Variants in ZNF430 observed in about 807,000 individuals in gnomAD.
ZNF430 encodes zinc finger protein 430.
In ZNF430, 35 loss-of-function variants were observed where a neutral mutation model predicts 56.7. The ratio of observed to expected loss-of-function variants is 0.62; its 90% CI spans 0.47 to 0.82. The LOEUF is 0.82. Among genes scored for constraint, ZNF430 ranks in the 40% least tolerant of loss-of-function variants. The probability of loss-of-function intolerance (pLI) is 0.00; values close to 1 mark genes in which losing one functional copy is unlikely to be tolerated. For missense variants in ZNF430, 574 were observed against 661.0 expected, an observed-to-expected ratio of 0.87 and a Z score of 1.44; for synonymous variants, 212 against 224.3, an observed-to-expected ratio of 0.94 and a Z score of 0.49.
Position 21,059,069 on chromosome 19 carries a change from A to C in ZNF430, c.*1048A>C, listed in dbSNP as rs1275306685. 2.0e-5 allele frequency: 3 copies of C among 152,216 alleles called. No homozygotes were observed. The highest frequency in any genetic ancestry group is 4.4e-5 in the Non-Finnish European group (3 of 68,046). The allele number at this position is 152,216 out of a possible 1,614,324, so 9.4% of individuals were successfully genotyped here. A position where few individuals can be genotyped will look rare whatever the true frequency, so the allele number is the denominator to read the frequency against. On this transcript the variant is annotated 3_prime_UTR_variant, in exon 5 of 5. Coordinates refer to ENST00000261560, the MANE Select transcript of ZNF430 (RefSeq NM_025189.4). ...TAAATTTTAAAAAACACTTTTTCAAAAAGTACAGCTTAGAAGACACCAGAG... is the reference window on the plus strand; with the variant it reads ...TAAATTTTAAAAAACACTTTTTCAACAAGTACAGCTTAGAAGACACCAGAG...
rs1967937567 is a variant in ZNF430, at chr19:21,033,436, TG to T, written c.97-19del. The T allele has an allele frequency of 6.2e-7, 1 of 1,603,694 alleles. No homozygotes were observed. The highest frequency in any genetic ancestry group is 1.7e-5 in the Admixed American group (1 of 58,304). ...CCACTTGGTAAATATACGTGTGTCT[TG>T]TGTGCTTGTGTTTTTCAGGGGCCAT... On this transcript the variant is annotated intron_variant, in intron 2 of 4. Coordinates refer to ENST00000261560, the MANE Select transcript of ZNF430 (RefSeq NM_025189.4).
Position 21,057,898 on chromosome 19 carries a change from A to T in ZNF430, c.1590A>T (p.Lys530Asn). 6.2e-7 allele frequency: 1 copy of T among 1,613,992 alleles called. No individual in the cohort carries two copies. Among genetic ancestry groups the T allele is most frequent in the Non-Finnish European group, 8.5e-7 (1 of 1,179,930 alleles). The change falls in exon 5 of 5, where the codon AAA (lysine) becomes AAT (asparagine). Residue 530 changes from lysine (K) to asparagine (N), a missense_variant. Physicochemically the swap from Lys to Asn is moderately conservative, Grantham distance 94 (BLOSUM62 0). Transcript: ENST00000261560. ...KAFSQSSTLT[K>N]HKVIHTGEKP... Reference sequence around the variant, plus strand: ...TTAGCCAGTCTTCAACTCTTACTAAACATAAGGTAATTCATACTGGAGAGA... The same window carrying T: ...TTAGCCAGTCTTCAACTCTTACTAATCATAAGGTAATTCATACTGGAGAGA...
rs886622440 is a variant in ZNF430 at position 21,031,622 on chromosome 19, G to T, written c.97-1834G>T. ...CAGGACCTTCCTTCTGTTTGTGTGC[G>T]TGATGGTAGCAGACAAAAAGGTGGT... On this transcript the variant is annotated intron_variant, in intron 2 of 4. Transcript: ENST00000261560. Among the ~76,000 whole-genome samples the T allele has an allele frequency of 2.6e-5, 4 of 152,136 alleles. No homozygotes were observed. In the South Asian group the frequency reaches 6.2e-4, roughly 24 times the overall value.
chr19:21,027,042 A>G (rs1317327536), intron 2 of ZNF430, among the ~76,000 whole-genome samples: 1 of 151,258 alleles, frequency 6.6e-6, no homozygotes, highest in Non-Finnish European at 1.5e-5. Flanking sequence ...GTTGGCCAGG[A>G]TGGTCTCGAT....
intron 2 of ZNF430, among the ~76,000 whole-genome samples, chr19:21,024,782 A>G (rs1967762200): frequency 6.6e-6 from 1 of 151,590 alleles, no homozygotes; most frequent in Non-Finnish European, 1.5e-5. Context: ...TCCATCTTAA[A>G]AAAAAAAAAA....
intron 4 of ZNF430, among the ~76,000 whole-genome samples, chr19:21,054,344 C>T (rs958207249): frequency 1.3e-5 from 2 of 151,212 alleles, no homozygotes; most frequent in Non-Finnish European, 2.9e-5. Flanking sequence ...AGTACCAATG[C>T]ACTTTTTCAG....
chr19:21,025,942 G>T, intron 2 of ZNF430: 1 of 418,728 alleles, frequency 2.4e-6, no homozygotes, highest in Non-Finnish European at 4.5e-6. Context: ...TTCTGTCATT[G>T]AGAACAGAGT....
At chr19:21,041,065 T>C (rs961412843) in intron 4 of ZNF430, among the ~76,000 whole-genome samples, 1 of 152,262 alleles carries the variant, frequency 6.6e-6, no homozygotes, top group Non-Finnish European at 1.5e-5. Flanking sequence ...GAGTCTGTTA[T>C]AGACAGCGTA....
intron 1 of ZNF430, among the ~76,000 whole-genome samples, chr19:21,022,500 A>T (rs1029359870): frequency 6.6e-6 from 1 of 152,136 alleles, no homozygotes; most frequent in African/African-American, 2.4e-5. Context: ...GTTTGTAAAT[A>T]TTTCCCATGT....
At chr19:21,032,055 G>C (rs996385810) in intron 2 of ZNF430, among the ~76,000 whole-genome samples, 2 of 152,044 alleles carry the variant, frequency 1.3e-5, no homozygotes, top group Non-Finnish European at 2.9e-5. Flanking sequence ...AACATGGGGA[G>C]ATGTAGATAC....
chr19:21,038,366 C>T (rs1369268055), intron 4 of ZNF430, among the ~76,000 whole-genome samples: 1 of 151,936 alleles, frequency 6.6e-6, no homozygotes, highest in African/African-American at 2.4e-5. Context: ...ATATTTTGTT[C>T]TTTCATCTGT....
intron 4 of ZNF430, among the ~76,000 whole-genome samples, chr19:21,056,109 C>T (rs1483839978): frequency 6.6e-6 from 1 of 152,188 alleles, no homozygotes; most frequent in Non-Finnish European, 1.5e-5. Context: ...GCACTTCACA[C>T]ACTTAACTTA....
intron 4 of ZNF430, among the ~76,000 whole-genome samples, chr19:21,044,601 T>C (rs989653685): frequency 6.6e-6 from 1 of 152,218 alleles, no homozygotes; most frequent in African/African-American, 2.4e-5. Context: ...TCTTATAAAA[T>C]GAGTTAGAGT....
chr19:21,047,976 T>C (rs1346855779), intron 4 of ZNF430, among the ~76,000 whole-genome samples: 1 of 152,144 alleles, frequency 6.6e-6, no homozygotes, highest in Admixed American at 6.6e-5. Flanking sequence ...ACCACCTCAT[T>C]GTTCCTGTTT....
intron 4 of ZNF430, among the ~76,000 whole-genome samples, chr19:21,054,744 C>G (rs1260367667): frequency 6.9e-6 from 1 of 145,950 alleles, no homozygotes; most frequent in Admixed American, 6.9e-5. Flanking sequence ...GGCGCATCTC[C>G]GCTCACTATA....
intron 4 of ZNF430, among the ~76,000 whole-genome samples, chr19:21,051,763 A>G (rs564154607): frequency 2.6e-5 from 4 of 152,242 alleles, no homozygotes; most frequent in South Asian, 2.1e-4. Flanking sequence ...TGCTGGAATT[A>G]TAGGCGTGAG....
intron 4 of ZNF430, among the ~76,000 whole-genome samples, chr19:21,048,113 T>G (rs1288064245): frequency 6.6e-6 from 1 of 151,396 alleles, no homozygotes; most frequent in Admixed American, 6.6e-5. Flanking sequence ...TATTATGTAA[T>G]CACCTTGAAG....
chr19:21,048,651 A>T lies in ZNF430; in HGVS notation c.323-7980A>T, dbSNP rs540743492. 2.0e-3 allele frequency among the ~76,000 whole-genome samples: 307 copies of T among 152,194 alleles called. 1 individual carries two copies. Among genetic ancestry groups the T allele is most frequent in the African/African-American group, 7.2e-3 (297 of 41,538 alleles). On this transcript the variant is annotated intron_variant, in intron 4 of 4. Coordinates refer to ENST00000261560, the MANE Select transcript of ZNF430 (RefSeq NM_025189.4). The stretch of plus-strand genomic sequence containing the variant: ...CCCACATTCCCCCCTTTTCTATTCG[A>T]CAAAACCGCCATCGTCATCATGGCC...
chr19:21,050,193 T>TCTC (rs1968261320), intron 4 of ZNF430, among the ~76,000 whole-genome samples: 1 of 151,334 alleles, frequency 6.6e-6, no homozygotes, highest in Non-Finnish European at 1.5e-5. Flanking sequence ...CCCCCTATAT[T>TCTC]CTTCTAAGAT....
Sources: allele counts gnomAD v4.1 joint callset (sites outside exome capture counted in the v4.1 genomes callset), GRCh38; gene constraint gnomAD v4.1.1; transcripts MANE v1.5; gene names NCBI Gene and HGNC (gene_info 2026-07-23, HGNC 2026-07-21).